TXLNG: variants seen among roughly 807,000 people sequenced by gnomAD.
TXLNG encodes the protein taxilin gamma.
In TXLNG, 5 loss-of-function variants were observed where a neutral mutation model predicts 38.8. That is an observed-to-expected ratio of 0.13 (90% CI 0.07 to 0.27). TXLNG has a LOEUF of 0.27. Ranked by LOEUF, TXLNG falls within the 10% of genes least tolerant of loss-of-function variation. The pLI, the probability that TXLNG is intolerant of heterozygous loss-of-function variation, is 1.00. For synonymous variants in TXLNG, 182 were observed against 158.2 expected, an observed-to-expected ratio of 1.15 and a Z score of -1.13; for missense variants, 393 against 398.2, an observed-to-expected ratio of 0.99 and a Z score of 0.11.
chrX:16,816,971 C>G (rs1928769317), intron 1 of TXLNG, among the ~76,000 whole-genome samples: 1 of 111,874 alleles, frequency 8.9e-6, no homozygotes, highest in Non-Finnish European at 1.9e-5. Flanking sequence ...GCCCCACCCC[C>G]AATGGTAACC....
intron 1 of TXLNG, among the ~76,000 whole-genome samples, chrX:16,790,050 G>A (rs1205744793): frequency 1.8e-5 from 2 of 110,504 alleles, no homozygotes; most frequent in African/African-American, 3.3e-5. Flanking sequence ...TGCCCGCCTC[G>A]GCCTCCCAAA....
chrX:16,808,169 A>C (rs756366690), intron 1 of TXLNG, among the ~76,000 whole-genome samples: 1 of 111,087 alleles, frequency 9.0e-6, no homozygotes, highest in East Asian at 2.8e-4. Context: ...ACCGGAGGGG[A>C]GTGGCTAGGG....
intron 1 of TXLNG, among the ~76,000 whole-genome samples, chrX:16,796,497 G>C (rs1927893698): frequency 1.8e-5 from 2 of 111,835 alleles, no homozygotes; most frequent in African/African-American, 6.5e-5. Flanking sequence ...AGAATTAAAT[G>C]AGGAAGTAGT....
intron 2 of TXLNG, among the ~76,000 whole-genome samples, chrX:16,819,835 T>C (rs201744378): frequency 8.9e-6 from 1 of 111,976 alleles, no homozygotes; most frequent in African/African-American, 3.2e-5. Context: ...AAAAATTCCA[T>C]GCCCTTTGTA....
At chrX:16,835,475 A>G (rs747276818) in intron 7 of TXLNG, among the ~76,000 whole-genome samples, 1 of 112,030 alleles carries the variant, frequency 8.9e-6, no homozygotes, top group Non-Finnish European at 1.9e-5. Flanking sequence ...TATCAGCCCT[A>G]TACAGTCAGT....
chrX:16,840,761 G>C (rs756840076), intron 9 of TXLNG, among the ~76,000 whole-genome samples: 53 of 111,019 alleles, frequency 4.8e-4, no homozygotes, highest in African/African-American at 1.6e-3. Flanking sequence ...GACAGAGCGA[G>C]ACTGTCTCAA....
At chrX:16,805,057 T>A (rs1343099080) in intron 1 of TXLNG, among the ~76,000 whole-genome samples, 1 of 92,408 alleles carries the variant, frequency 1.1e-5, no homozygotes, top group Non-Finnish European at 2.1e-5. Flanking sequence ...AGTGGTGCAG[T>A]CATAGCTTGC....
At chrX:16,837,189 C>G (rs1929625201) in intron 7 of TXLNG, among the ~76,000 whole-genome samples, 1 of 111,960 alleles carries the variant, frequency 8.9e-6, no homozygotes, top group Non-Finnish European at 1.9e-5. Flanking sequence ...GCATTTTCCT[C>G]CCTTCGTTAA....
At chrX:16,821,348 C>G (rs1055919476) in intron 3 of TXLNG, among the ~76,000 whole-genome samples, 6 of 109,530 alleles carry the variant, frequency 5.5e-5, no homozygotes, top group Non-Finnish European at 1.1e-4. Flanking sequence ...ACCGTGTTAG[C>G]CAGGATGCTC....
At position 16,797,574 on chromosome X, in the gene TXLNG, G is replaced by A. The variant is rs1201366796; in HGVS notation, c.102+10985G>A. Among the ~76,000 whole-genome samples, 7 of 112,508 alleles carry A rather than the reference G, an allele frequency of 6.2e-5. No homozygotes were observed. In the Admixed American group the frequency reaches 6.6e-4, roughly 11 times the overall value. On this transcript the variant is annotated intron_variant, in intron 1 of 9. Transcript: ENST00000380122. ...AGTTCCTCATGAGCAGTTGGCCGGAGGCCTTCCTTGGTTTCTTGCCACATG... is the reference window on the plus strand; with the variant it reads ...AGTTCCTCATGAGCAGTTGGCCGGAAGCCTTCCTTGGTTTCTTGCCACATG...
rs145231169 is a variant in TXLNG, at chrX:16,788,253, A to G, written c.102+1664A>G. ...CTGGGATAAGGACAAAAAGTCGTTG[A>G]ATTAGGAACTGAGGTTTAATCAACT... On this transcript the variant is annotated intron_variant, in intron 1 of 9. Transcript: ENST00000380122. 6.3e-3 allele frequency among the ~76,000 whole-genome samples: 708 copies of G among 112,256 alleles called. 9 individuals are homozygous for G. The highest frequency in any genetic ancestry group is 7.7e-3 in the Non-Finnish European group (413 of 53,302).
At chrX:16,822,576 C>A (rs1390924329) in intron 3 of TXLNG, among the ~76,000 whole-genome samples, 3 of 111,567 alleles carry the variant, frequency 2.7e-5, no homozygotes, top group Non-Finnish European at 5.6e-5. Context: ...AAGCCAGTCC[C>A]CCTTGGTGCC....
chrX:16,789,354 T>C (rs1927622185), intron 1 of TXLNG, among the ~76,000 whole-genome samples: 1 of 110,966 alleles, frequency 9.0e-6, no homozygotes, highest in Non-Finnish European at 1.9e-5. Context: ...AATGTTACAG[T>C]ACATTACTAG....
chrX:16,823,365 G>A (rs1321718131), intron 3 of TXLNG, among the ~76,000 whole-genome samples: 1 of 102,538 alleles, frequency 9.8e-6, no homozygotes, highest in African/African-American at 3.6e-5. Flanking sequence ...GGCTGAGGCA[G>A]GAGAATCACT....
At chrX:16,790,951 C>T (rs887510328) in intron 1 of TXLNG, among the ~76,000 whole-genome samples, 29 of 111,764 alleles carry the variant, frequency 2.6e-4, no homozygotes, top group African/African-American at 8.5e-4. Flanking sequence ...GGCTTTCTGC[C>T]GCCCATAGCT....
intron 7 of TXLNG, among the ~76,000 whole-genome samples, chrX:16,835,848 C>T (rs1326054113): frequency 1.8e-5 from 2 of 112,580 alleles, no homozygotes; most frequent in Non-Finnish European, 3.8e-5. Flanking sequence ...TGTCTTCACC[C>T]GCTGTTTTGT....
chrX:16,797,792 AC>A (rs1461811533), intron 1 of TXLNG, among the ~76,000 whole-genome samples: 1 of 112,537 alleles, frequency 8.9e-6, no homozygotes, highest in Non-Finnish European at 1.9e-5. Flanking sequence ...AGGGGAGGGG[AC>A]CATTGGGGGC....
intron 1 of TXLNG, among the ~76,000 whole-genome samples, chrX:16,801,950 CTTTTTTT>C (rs56071399): frequency 2.2e-5 from 1 of 45,258 alleles, no homozygotes. Flanking sequence ...TTCTTTCTTT[CTTTTTTT>C]TTTTTTTTTT....
At chrX:16,840,430 T>C (rs774075529) in intron 9 of TXLNG, 1 of 752,808 alleles carries the variant, frequency 1.3e-6, no homozygotes, top group South Asian at 6.8e-5. Flanking sequence ...TTGCCTGTTT[T>C]ATATAACACT....
Sources: gnomAD v4.1 joint callset for allele counts (sites outside exome capture counted in the v4.1 genomes callset) on GRCh38, gnomAD v4.1.1 for gene constraint, MANE v1.5 for transcripts, NCBI Gene and HGNC (gene_info 2026-07-23, HGNC 2026-07-21) for gene names.